The following ATP2B4 variants were observed in gnomAD, a reference collection of about 807,000 sequenced individuals.
ATP2B4 encodes ATPase plasma membrane Ca2+ transporting 4.
A neutral mutation model predicts 110.3 loss-of-function variants in ATP2B4; 39 were observed. The observed-to-expected ratio is 0.35, with a 90% CI of 0.27 to 0.46. The LOEUF (loss-of-function observed/expected upper bound fraction) is 0.46. ATP2B4 is among the 20% of genes least tolerant of loss of function. The probability of loss-of-function intolerance (pLI) is 1.00; values close to 1 mark genes in which losing one functional copy is unlikely to be tolerated. For synonymous variants in ATP2B4, 538 were observed against 571.7 expected (o/e 0.94, Z 0.84); for missense variants, 1,135 against 1,530.9 (o/e 0.74, Z 4.32).
intron 1 of ATP2B4, among the ~76,000 whole-genome samples, chr1:203,640,817 T>G (rs187200429): frequency 3.3e-5 from 5 of 152,290 alleles, no homozygotes; most frequent in Admixed American, 3.3e-4. Flanking sequence ...GATGCACCCT[T>G]AGTTTAGCCC....
At chr1:203,711,177 C>G in intron 12 of ATP2B4, 69 bp downstream of exon 12, 1 of 1,474,036 alleles carries the variant, frequency 6.8e-7, no homozygotes, top group Non-Finnish European at 9.4e-7. Context: ...AGTTGTGACC[C>G]CAGGCAGGTA....
chr1:203,644,249 T>TAAA (rs3066210), intron 1 of ATP2B4, among the ~76,000 whole-genome samples: 10 of 109,928 alleles, frequency 9.1e-5, no homozygotes, highest in Admixed American at 2.0e-4. Flanking sequence ...GACTCCATCT[T>TAAA]AAAAAAAAAA....
intron 20 of ATP2B4, among the ~76,000 whole-genome samples, chr1:203,731,200 A>T (rs1326331867): frequency 1.3e-5 from 2 of 152,100 alleles, no homozygotes; most frequent in East Asian, 3.9e-4. Flanking sequence ...GGGAACTAAA[A>T]CTGAATAATG....
chr1:203,636,971 C>T (rs1027559549), intron 1 of ATP2B4, among the ~76,000 whole-genome samples: 2 of 152,180 alleles, frequency 1.3e-5, no homozygotes, highest in African/African-American at 4.8e-5. Context: ...TTCCCACCTC[C>T]ACCTGCCGGG....
chr1:203,736,275 G>T (rs1416333754), intron 20 of ATP2B4, among the ~76,000 whole-genome samples: 1 of 152,102 alleles, frequency 6.6e-6, no homozygotes, highest in African/African-American at 2.4e-5. Flanking sequence ...GACCAGCCTG[G>T]CCAACATGGT....
intron 1 of ATP2B4, among the ~76,000 whole-genome samples, chr1:203,674,655 T>TTTTTTTTTTTTTTTTTTC (rs1664776513): frequency 8.3e-6 from 1 of 121,094 alleles, no homozygotes; most frequent in African/African-American, 3.3e-5. Flanking sequence ...TTTTTTTTTT[T>TTTTTTTTTTTTTTTTTTC]TTTTTTTTTT....
rs10593701 is a variant in ATP2B4 at position 203,723,392 on chromosome 1, GT to G, written c.3025-476del. Among the ~76,000 whole-genome samples, 75 of 123,786 alleles carry G rather than the reference GT, an allele frequency of 6.1e-4. 3 individuals carry two copies. The South Asian group carries it at 0.011, about 18-fold the overall frequency. The allele number at this position is 123,786 out of a possible 152,430, so 81.2% of individuals were successfully genotyped here. A position where few individuals can be genotyped will look rare whatever the true frequency, so the allele number is the denominator to read the frequency against. ...ATTACGCCTGCCATTTTTTCTTTTT[GT>G]TTTTTTTTTTTTCGTTTGAGACAGA... On this transcript the variant is annotated intron_variant, in intron 18 of 20. Transcript: ENST00000357681.
rs373307810 is a variant in ATP2B4 at position 203,723,484 on chromosome 1, CTT to C, written c.3025-394_3025-393del. Among the ~76,000 whole-genome samples the C allele has an allele frequency of 4.1e-3, 593 of 144,046 alleles. 13 individuals are homozygous for C. Among genetic ancestry groups the C allele is most frequent in the African/African-American group, 0.014 (544 of 38,282 alleles). 94.5% of individuals were successfully genotyped at this position (144,046 alleles called of 152,430 possible). A position where few individuals can be genotyped will look rare whatever the true frequency, so the allele number is the denominator to read the frequency against. On this transcript the variant is annotated intron_variant, in intron 18 of 20. Transcript: ENST00000357681. Reference sequence around the variant, plus strand: ...TCCCTCTGCCTCTCTCTCTCTCTCTCTTTTCCCCCCTCCCCCAGGGGGAGTGC... The same window carrying C: ...TCCCTCTGCCTCTCTCTCTCTCTCTCTTCCCCCCTCCCCCAGGGGGAGTGC...
intron 20 of ATP2B4, among the ~76,000 whole-genome samples, 173 bp from the exon 21 acceptor site, chr1:203,739,373 G>A (rs574779376): frequency 6.6e-6 from 1 of 152,084 alleles, no homozygotes; most frequent in South Asian, 2.1e-4. Context: ...GTTGAGCCAT[G>A]TGATGTTTCT....
chr1:203,723,459 T>TCTCC (rs1558052460), intron 18 of ATP2B4, among the ~76,000 whole-genome samples: 24 of 128,684 alleles, frequency 1.9e-4, no homozygotes, highest in African/African-American at 7.1e-4. Flanking sequence ...TCTCTCTCTC[T>TCTCC]CCCTCTGCCT....
Position 203,707,074 on chromosome 1 carries a change from A to G in ATP2B4, c.1165A>G (p.Ile389Val), listed in dbSNP as rs769793412. 6.2e-6 allele frequency: 10 copies of G among 1,613,984 alleles called. No individual in the cohort carries two copies. The East Asian group carries it at 2.0e-4, about 32-fold the overall frequency. ...ILYFVIDNFVINRRPWLPECT... is the reference protein window; with the variant it reads ...ILYFVIDNFVVNRRPWLPECT... Reference sequence around the variant, plus strand: ...ATACTTTGTGATTGACAACTTTGTGATAAATCGCAGACCATGGCTCCCTGA... The same window carrying G: ...ATACTTTGTGATTGACAACTTTGTGGTAAATCGCAGACCATGGCTCCCTGA... The change falls in exon 9 of 21, where the codon ATA becomes GTA. Residue 389 changes from isoleucine to valine, a missense_variant. This residue lies in a region of ATP2B4 where 162 missense variants were observed against 210.5 expected (regional missense o/e 0.77). Transcript: ENST00000357681.
chr1:203,680,570 C>T (rs977184786), intron 1 of ATP2B4, among the ~76,000 whole-genome samples: 1 of 147,994 alleles, frequency 6.8e-6, no homozygotes, highest in Admixed American at 6.9e-5. Flanking sequence ...GATCGCGCCA[C>T]TGCACTCCAG....
rs1558047766 is a variant in ATP2B4, at chr1:203,714,161, T to C, written c.2300-10T>C. On this transcript the variant is annotated splice_polypyrimidine_tract_variant and intron_variant, in intron 14 of 20. Coordinates refer to ENST00000357681, the MANE Select transcript of ATP2B4 (RefSeq NM_001684.5). ...AGAAAAGCTCACTGTGGTGTGTCTG[T>C]TTCTCCCAGGCATAATTGACAGCAC... is the stretch of plus-strand genomic sequence containing the variant. 1 of 1,613,716 alleles carries C rather than the reference T, an allele frequency of 6.2e-7. No individual in the cohort carries two copies. Among genetic ancestry groups the C allele is most frequent in the Non-Finnish European group, 8.5e-7 (1 of 1,179,772 alleles).
chr1:203,637,571 A>G (rs1663495683), intron 1 of ATP2B4, among the ~76,000 whole-genome samples: 1 of 152,148 alleles, frequency 6.6e-6, no homozygotes, highest in Non-Finnish European at 1.5e-5. Context: ...AGCTGCAGAG[A>G]TTAGGTTTTC....
chr1:203,721,541 C>A, intron 17 of ATP2B4, 131 bp downstream of exon 17: 1 of 863,168 alleles, frequency 1.2e-6, no homozygotes, highest in Non-Finnish European at 1.8e-6. Flanking sequence ...TTGCTGTGCT[C>A]CCGCTACACG....
intron 18 of ATP2B4, among the ~76,000 whole-genome samples, chr1:203,723,454 C>G: frequency 7.4e-6 from 1 of 134,976 alleles, no homozygotes. Context: ...CTCTCTCTCT[C>G]TCTCTCCCTC....
Position 203,699,526 on chromosome 1 carries a change from C to T in ATP2B4, c.458C>T (p.Ala153Val). 1 of 1,614,194 alleles carries T rather than the reference C, an allele frequency of 6.2e-7. No individual in the cohort carries two copies. The highest frequency in any genetic ancestry group is 8.5e-7 in the Non-Finnish European group (1 of 1,180,036). The change falls in exon 4 of 21, where the codon GCA (alanine) becomes GTA (valine). Residue 153 changes from alanine (A) to valine (V), a missense_variant. Physicochemically the swap from Ala to Val is moderately conservative, Grantham distance 64. Around this residue, in one of 9 missense-constraint regions of ATP2B4, gnomAD observed 101 missense variants for 182.6 expected, o/e 0.55. Coordinates refer to ENST00000357681, the MANE Select transcript of ATP2B4 (RefSeq NM_001684.5). ...NEAQAGWIEG[A>V]AILFSVIIVV... ...GCACAAGCTGGCTGGATTGAGGGGG[C>T]AGCCATCCTTTTCTCAGTGATCATC...
intron 15 of ATP2B4, among the ~76,000 whole-genome samples, chr1:203,718,631 T>C (rs979752160): frequency 2.0e-5 from 3 of 152,186 alleles, no homozygotes; most frequent in African/African-American, 7.2e-5. Flanking sequence ...TGATTTTATG[T>C]TTGTATCCCT....
At chr1:203,714,007 C>G (rs778064371) in intron 14 of ATP2B4, among the ~76,000 whole-genome samples, 164 bp from the exon 15 acceptor site, 3 of 152,092 alleles carry the variant, frequency 2.0e-5, no homozygotes, top group Non-Finnish European at 4.4e-5. Flanking sequence ...AAACTTAGTT[C>G]AGTGCTACTC....
Sources: allele counts gnomAD v4.1 joint callset (sites outside exome capture counted in the v4.1 genomes callset), GRCh38; gene constraint gnomAD v4.1.1; regional missense constraint gnomAD v4.1.1; transcripts MANE v1.5; gene names NCBI Gene and HGNC (gene_info 2026-07-23, HGNC 2026-07-21).